Variants in VAV3 observed in about 807,000 individuals in gnomAD.
The protein encoded by VAV3 is vav guanine nucleotide exchange factor 3, also known as guanine nucleotide exchange factor VAV3.
In VAV3, 94 loss-of-function variants were observed where a neutral mutation model predicts 131.2. That is an observed-to-expected ratio of 0.72 (90% CI 0.61 to 0.85). The LOEUF (loss-of-function observed/expected upper bound fraction) is 0.85. Among genes scored for constraint, VAV3 ranks in the 40% least tolerant of loss-of-function variants. The pLI is 0.00. For missense variants in VAV3, 939 were observed against 1,002.7 expected (o/e 0.94, Z 0.86); for synonymous variants, 349 against 342.0 (o/e 1.02, Z -0.22).
chr1:107,846,603 G>A (rs1435365842), intron 2 of VAV3, among the ~76,000 whole-genome samples: 1 of 151,970 alleles, frequency 6.6e-6, no homozygotes, highest in Non-Finnish European at 1.5e-5. Context: ...AAAAATAAAG[G>A]AGCGGTTGCA....
At chr1:107,853,784 T>G (rs570297932) in intron 2 of VAV3, among the ~76,000 whole-genome samples, 1 of 152,222 alleles carries the variant, frequency 6.6e-6, no homozygotes, top group African/African-American at 2.4e-5. Flanking sequence ...TAGGGCTAAT[T>G]TGACAATGTC....
chr1:107,716,370 G>A (rs576191045), intron 15 of VAV3, among the ~76,000 whole-genome samples: 1 of 152,308 alleles, frequency 6.6e-6, no homozygotes. Context: ...GCTCACGCCT[G>A]TAATCCCAGC....
intron 25 of VAV3, among the ~76,000 whole-genome samples, chr1:107,586,055 A>G (rs1377990919): frequency 6.6e-6 from 1 of 151,940 alleles, no homozygotes; most frequent in Non-Finnish European, 1.5e-5. Flanking sequence ...ATGAGACTAT[A>G]GTTTTGTTTT....
At chr1:107,615,754 C>T (rs964476060) in intron 21 of VAV3, among the ~76,000 whole-genome samples, 6 of 151,286 alleles carry the variant, frequency 4.0e-5, no homozygotes, top group Non-Finnish European at 8.9e-5. Flanking sequence ...ATTAACAAGC[C>T]AAAAAACAAC....
chr1:107,874,873 A>G, intron 2 of VAV3, 28 bp downstream of exon 2: 1 of 1,579,374 alleles, frequency 6.3e-7, no homozygotes, highest in Non-Finnish European at 8.7e-7. Flanking sequence ...CCAGTTAAAA[A>G]GTAGTGTTAA....
At chr1:107,622,298 G>T (rs56329640) in intron 20 of VAV3, among the ~76,000 whole-genome samples, 3 of 152,110 alleles carry the variant, frequency 2.0e-5, no homozygotes, top group South Asian at 4.1e-4. Context: ...CTTCAGGTTT[G>T]CTGGTAGAAA....
chr1:107,739,121 C>A (rs555441575), intron 15 of VAV3, among the ~76,000 whole-genome samples: 11 of 152,308 alleles, frequency 7.2e-5, no homozygotes, highest in Middle Eastern at 3.4e-3. Context: ...GCTCTTCCTC[C>A]TGCCTGTGAC....
At chr1:107,754,536 G>A (rs536585138) in intron 12 of VAV3, among the ~76,000 whole-genome samples, 1 of 152,302 alleles carries the variant, frequency 6.6e-6, no homozygotes, top group South Asian at 2.1e-4. Flanking sequence ...TGGGCTGCCT[G>A]CTCACAGGGT....
intron 2 of VAV3, among the ~76,000 whole-genome samples, chr1:107,782,427 C>A (rs1371977238): frequency 1.3e-5 from 2 of 152,084 alleles, no homozygotes; most frequent in African/African-American, 4.8e-5. Flanking sequence ...TTAGTTTAGT[C>A]CTGAATTGAA....
intron 2 of VAV3, among the ~76,000 whole-genome samples, chr1:107,858,001 G>A (rs1470795196): frequency 6.6e-6 from 1 of 152,102 alleles, no homozygotes; most frequent in African/African-American, 2.4e-5. Flanking sequence ...TAACAACATA[G>A]GTAAAGAAAA....
At position 107,770,642 on chromosome 1, in the gene VAV3, T is replaced by C. The variant is rs1664988852; in HGVS notation, c.642A>G (p.Ile214Met). The change falls in exon 6 of 27, where the codon ATA becomes ATG. Residue 214 changes from isoleucine to methionine, a missense_variant. Transcript: ENST00000370056. ...ATAATACCTGATGACTTACCTTTTC[T>C]ATTGACTCCAAAGTTTCTGTATATT... is the stretch of plus-strand genomic sequence containing the variant. ...EEKYTETLESIEKYFMAPLKR... is the reference protein window; with the variant it reads ...EEKYTETLESMEKYFMAPLKR... 11 of 1,604,172 alleles carry C rather than the reference T, an allele frequency of 6.9e-6. No individual in the cohort carries two copies. The highest frequency in any genetic ancestry group is 9.4e-6 in the Non-Finnish European group (11 of 1,171,844).
chr1:107,922,977 AAG>A (rs1236971878), intron 1 of VAV3, among the ~76,000 whole-genome samples: 2 of 151,070 alleles, frequency 1.3e-5, no homozygotes, highest in African/African-American at 4.9e-5. Context: ...AAAAAAAAAA[AAG>A]AGCACAATTT....
intron 1 of VAV3, among the ~76,000 whole-genome samples, chr1:107,917,722 T>C (rs1672688636): frequency 6.6e-6 from 1 of 152,164 alleles, no homozygotes; most frequent in Admixed American, 6.5e-5. Flanking sequence ...GTATCCCTGA[T>C]CTGAAATGCT....
At chr1:107,725,102 A>T (rs1397361400) in intron 15 of VAV3, among the ~76,000 whole-genome samples, 1 of 152,212 alleles carries the variant, frequency 6.6e-6, no homozygotes, top group Non-Finnish European at 1.5e-5. Flanking sequence ...TCAGGAGTGA[A>T]TAAAGGAATC....
chr1:107,712,134 G>A (rs977131571), intron 15 of VAV3, among the ~76,000 whole-genome samples: 1 of 152,044 alleles, frequency 6.6e-6, no homozygotes, highest in Non-Finnish European at 1.5e-5. Context: ...TCTCTCACAC[G>A]CACACTTATA....
intron 2 of VAV3, among the ~76,000 whole-genome samples, chr1:107,790,445 G>A (rs747013881): frequency 1.3e-5 from 2 of 152,156 alleles, no homozygotes; most frequent in Admixed American, 6.5e-5. Context: ...TCACAAAAAT[G>A]CACATACGTG....
At chr1:107,839,706 T>A (rs1342447515) in intron 2 of VAV3, among the ~76,000 whole-genome samples, 1 of 151,654 alleles carries the variant, frequency 6.6e-6, no homozygotes, top group Admixed American at 6.6e-5. Flanking sequence ...TGGAAACAGG[T>A]AAACAATAGG....
At chr1:107,846,790 C>T (rs1668990223) in intron 2 of VAV3, among the ~76,000 whole-genome samples, 1 of 152,126 alleles carries the variant, frequency 6.6e-6, no homozygotes, top group Admixed American at 6.5e-5. Context: ...TAGAGACCTA[C>T]AGAGAGACTT....
intron 2 of VAV3, among the ~76,000 whole-genome samples, chr1:107,866,822 CAAAAAAAAAAA>C (rs66866060): frequency 1.9e-4 from 11 of 59,200 alleles, no homozygotes; most frequent in Non-Finnish European, 2.5e-4. Context: ...GACTCCATCT[CAAAAAAAAAAA>C]AAAAAAAAAA....
Sources: gnomAD v4.1 joint callset for allele counts (sites outside exome capture counted in the v4.1 genomes callset) on GRCh38, gnomAD v4.1.1 for gene constraint, MANE v1.5 for transcripts, NCBI Gene and HGNC (gene_info 2026-07-23, HGNC 2026-07-21) for gene names.